The following ARID3B variants were observed in gnomAD, a reference collection of about 807,000 sequenced individuals.
ARID3B encodes AT-rich interactive domain-containing protein 3B.
Under a neutral mutation model 51.9 loss-of-function variants are expected in ARID3B, and 10 were observed. That is an observed-to-expected ratio of 0.19 (90% CI 0.12 to 0.33). The LOEUF (loss-of-function observed/expected upper bound fraction) is 0.33, where lower values mean the gene tolerates loss of function less well. Among genes scored for constraint, ARID3B ranks in the 10% least tolerant of loss-of-function variants. The pLI, the probability that ARID3B is intolerant of heterozygous loss-of-function variation, is 1.00. For missense variants in ARID3B, 483 were observed against 716.3 expected (o/e 0.67, Z 3.72); for synonymous variants, 205 against 279.5 (o/e 0.73, Z 2.66).
At chr15:74,543,578 A>T (rs2061601979) in intron 1 of ARID3B, among the ~76,000 whole-genome samples, 1 of 152,192 alleles carries the variant, frequency 6.6e-6, no homozygotes, top group Non-Finnish European at 1.5e-5. Flanking sequence ...AGAACACGTT[A>T]GCAGACTAGA....
At chr15:74,589,021 CTTTTTTTT>C (rs900091332) in intron 4 of ARID3B, among the ~76,000 whole-genome samples, 4 of 87,810 alleles carry the variant, frequency 4.6e-5, no homozygotes, top group South Asian at 5.2e-4. Context: ...CAAGCACACT[CTTTTTTTT>C]TTTTTTTTTT....
chr15:74,588,397 A>G (rs948063068), intron 4 of ARID3B, among the ~76,000 whole-genome samples: 1 of 152,120 alleles, frequency 6.6e-6, no homozygotes, highest in Non-Finnish European at 1.5e-5. Flanking sequence ...CCTTTAGGGA[A>G]AGAAGGCGGA....
intron 2 of ARID3B, among the ~76,000 whole-genome samples, chr15:74,560,031 T>TAAAAAAAAAAAAAACAAAAAAAA (rs71137394): frequency 2.8e-5 from 1 of 35,640 alleles, no homozygotes; most frequent in Non-Finnish European, 4.5e-5. Flanking sequence ...CTGTCTCTAC[T>TAAAAAAAAAAAAAACAAAAAAAA]AAAAAAAAAA....
chr15:74,580,825 A>G (rs1192376563), intron 4 of ARID3B, among the ~76,000 whole-genome samples: 1 of 152,196 alleles, frequency 6.6e-6, no homozygotes, highest in African/African-American at 2.4e-5. Context: ...ACCGCCTCCA[A>G]GAGGGTGGTG....
At chr15:74,576,141 C>T (rs1348358443) in intron 4 of ARID3B, among the ~76,000 whole-genome samples, 1 of 152,092 alleles carries the variant, frequency 6.6e-6, no homozygotes, top group African/African-American at 2.4e-5. Flanking sequence ...GTGATCCTCC[C>T]ACCTCGGCTT....
At chr15:74,556,776 G>GGTTT (rs1400736813) in intron 2 of ARID3B, among the ~76,000 whole-genome samples, 2 of 122,542 alleles carry the variant, frequency 1.6e-5, no homozygotes, top group African/African-American at 6.3e-5. Flanking sequence ...TTTGTTTTTT[G>GGTTT]TTTTTTTTTT....
chr15:74,556,038 C>T (rs1490333937), intron 2 of ARID3B, among the ~76,000 whole-genome samples: 2 of 151,458 alleles, frequency 1.3e-5, no homozygotes, highest in African/African-American at 2.4e-5. Context: ...GTGATCCGCC[C>T]GCCTCAGCCT....
chr15:74,564,978 C>T (rs2061692381), intron 2 of ARID3B, among the ~76,000 whole-genome samples: 2 of 152,038 alleles, frequency 1.3e-5, no homozygotes, highest in South Asian at 2.1e-4. Context: ...CCTTGGGATT[C>T]ATAATCTATT....
At chr15:74,595,529 A>G in intron 8 of ARID3B, 82 bp from the exon 9 acceptor site, 3 of 1,492,542 alleles carry the variant, frequency 2.0e-6, no homozygotes, top group Non-Finnish European at 2.7e-6. Context: ...AGGCTAGGCC[A>G]GCGGTGAATA....
rs767584447 is a variant in ARID3B at position 74,554,006 on chromosome 15, G to T, written c.552+9518G>T. 2.6e-5 allele frequency among the ~76,000 whole-genome samples: 4 copies of T among 151,198 alleles called. No individual in the cohort carries two copies. The South Asian group carries it at 6.3e-4, about 24-fold the overall frequency. On this transcript the variant is annotated intron_variant, in intron 2 of 8. Coordinates refer to ENST00000346246, the MANE Select transcript of ARID3B (RefSeq NM_006465.4). ...ACCCAGCTAATTTTGTATTTTTTTT[G>T]TTGTTGTTTATTTTTTTTGAGACAG...
rs1301752342 is a variant in ARID3B at position 74,552,093 on chromosome 15, G to A, written c.552+7605G>A. Among the ~76,000 whole-genome samples the A allele has an allele frequency of 6.2e-5, 7 of 112,298 alleles. No individual in the cohort carries two copies. The South Asian group carries it at 1.6e-3, about 25-fold the overall frequency. The allele number at this position is 112,298 out of a possible 152,430, so 73.7% of individuals were successfully genotyped here. On this transcript the variant is annotated intron_variant, in intron 2 of 8. Coordinates refer to ENST00000346246, the MANE Select transcript of ARID3B (RefSeq NM_006465.4). Reference sequence around the variant, plus strand: ...TTTTTTTTTTCTGAGACGGAGTCTCGCTCTGCCGCCCAGGCTAGAGTGCTG... The same window carrying A: ...TTTTTTTTTTCTGAGACGGAGTCTCACTCTGCCGCCCAGGCTAGAGTGCTG...
chr15:74,591,261 A>G lies in ARID3B; in HGVS notation c.992A>G (p.Tyr331Cys), dbSNP rs2061801822. 6.2e-7 allele frequency: 1 copy of G among 1,613,942 alleles called. No individual in the cohort carries two copies. Among genetic ancestry groups the G allele is most frequent in the Middle Eastern group, 1.7e-4 (1 of 5,958 alleles). ...CGCAGGGAGGGCCGGCGGCCCAGCT[A>G]CAGCTCCTCCCTCTTTGGCTACTCA... ...GNRREGRRPS[Y>C]SSSLFGYSPA... Residue 331 changes from tyrosine (Y) to cysteine (C), a missense_variant, in exon 6 of 9, where the codon TAC (tyrosine) becomes TGC (cysteine). Physicochemically the swap from Tyr to Cys is radical, Grantham distance 194. This residue lies in a region of ARID3B where 265 missense variants were observed against 354.4 expected (regional missense o/e 0.75). Transcript: ENST00000346246. The surrounding 1 kb of genome is among the most constrained non-coding windows in gnomAD (Gnocchi z 5.8).
chr15:74,541,860 G>T (rs1029360832), intron 1 of ARID3B, among the ~76,000 whole-genome samples: 3 of 152,164 alleles, frequency 2.0e-5, no homozygotes, highest in African/African-American at 7.2e-5. Context: ...AAATGGGGGA[G>T]GGGCCCGTGT....
intron 2 of ARID3B, among the ~76,000 whole-genome samples, chr15:74,570,793 T>C (rs1390303223): frequency 6.6e-6 from 1 of 152,258 alleles, no homozygotes; most frequent in East Asian, 1.9e-4. Flanking sequence ...ACAGGCATAA[T>C]TCATCTTGAT....
chr15:74,558,262 T>C (rs1378045638), intron 2 of ARID3B, among the ~76,000 whole-genome samples: 2 of 148,916 alleles, frequency 1.3e-5, no homozygotes, highest in Non-Finnish European at 3.0e-5. Flanking sequence ...TTCAGTCTCC[T>C]GTGCGTCTTT....
chr15:74,554,354 G>A (rs1310790731), intron 2 of ARID3B, among the ~76,000 whole-genome samples: 1 of 151,900 alleles, frequency 6.6e-6, no homozygotes, highest in Admixed American at 6.6e-5. Context: ...CCAGGCTGGA[G>A]TGCAGTGGCA....
intron 2 of ARID3B, among the ~76,000 whole-genome samples, chr15:74,567,008 TTC>T (rs1352798310): frequency 6.6e-6 from 1 of 152,168 alleles, no homozygotes. Flanking sequence ...ATTTGTATGT[TTC>T]TGTTATTTTT....
chr15:74,594,511 T>C (rs916914712), intron 8 of ARID3B, among the ~76,000 whole-genome samples: 21 of 151,998 alleles, frequency 1.4e-4, no homozygotes, highest in Non-Finnish European at 2.1e-4. Flanking sequence ...ATCACCCACC[T>C]GTTTTACCAA....
chr15:74,570,461 GCA>G, intron 2 of ARID3B, among the ~76,000 whole-genome samples: 1 of 14,258 alleles, frequency 7.0e-5, no homozygotes, highest in East Asian at 1.2e-3. Context: ...ACTATAATTA[GCA>G]AAAAAAAAAA....
Sources: allele counts gnomAD v4.1 joint callset (sites outside exome capture counted in the v4.1 genomes callset), GRCh38; gene constraint gnomAD v4.1.1; regional missense constraint gnomAD v4.1.1; non-coding constraint Gnocchi (gnomAD v3.1); transcripts MANE v1.5; gene names NCBI Gene and HGNC (gene_info 2026-07-23, HGNC 2026-07-21).